PRKCA: variants seen among roughly 807,000 people sequenced by gnomAD.
The protein encoded by PRKCA is protein kinase C alpha.
In PRKCA, 27 loss-of-function variants were observed where a neutral mutation model predicts 87.0. The ratio of observed to expected loss-of-function variants is 0.31; its 90% CI spans 0.23 to 0.43. The LOEUF is 0.43. Ranked by LOEUF, PRKCA falls within the 20% of genes least tolerant of loss-of-function variation. PRKCA has a pLI of 1.00. For synonymous variants in PRKCA, 329 were observed against 311.1 expected, an observed-to-expected ratio of 1.06 and a Z score of -0.61; for missense variants, 518 against 852.3, an observed-to-expected ratio of 0.61 and a Z score of 4.88.
At chr17:66,623,675 A>G (rs1162316748) in intron 3 of PRKCA, among the ~76,000 whole-genome samples, 2 of 152,210 alleles carry the variant, frequency 1.3e-5, no homozygotes, top group African/African-American at 4.8e-5. Flanking sequence ...TTAAAGAAAA[A>G]GTTGAATTTA....
intron 3 of PRKCA, among the ~76,000 whole-genome samples, chr17:66,603,967 T>A (rs989321182): frequency 5.3e-5 from 8 of 152,358 alleles, no homozygotes; most frequent in Non-Finnish European, 1.0e-4. Flanking sequence ...TAAGACTGAA[T>A]AGTATCTCGC....
At chr17:66,343,431 T>G in intron 2 of PRKCA, among the ~76,000 whole-genome samples, 1 of 152,128 alleles carries the variant, frequency 6.6e-6, no homozygotes, top group East Asian at 1.9e-4. Context: ...TTTCCCTCAT[T>G]TGGTTGGTTT....
At chr17:66,504,680 C>T (rs985025083) in intron 3 of PRKCA, among the ~76,000 whole-genome samples, 3 of 152,074 alleles carry the variant, frequency 2.0e-5, no homozygotes, top group Admixed American at 6.6e-5. Context: ...AGGGAGAGAG[C>T]CAGCCTGCAT....
intron 5 of PRKCA, among the ~76,000 whole-genome samples, chr17:66,674,136 GAGTGATCCCTGGGGA>G (rs1972263276): frequency 6.6e-6 from 1 of 152,218 alleles, no homozygotes; most frequent in South Asian, 2.1e-4. Flanking sequence ...TGCCCTGGGG[GAGTGATCCCTGGGGA>G]TGCGAGGGGG....
intron 2 of PRKCA, among the ~76,000 whole-genome samples, chr17:66,311,397 C>T (rs1438337060): frequency 6.6e-6 from 1 of 152,122 alleles, no homozygotes; most frequent in Non-Finnish European, 1.5e-5. Context: ...GGTCGAATTG[C>T]TTGAGCCCAG....
chr17:66,782,842 A>G (rs1422973981), intron 14 of PRKCA, among the ~76,000 whole-genome samples: 1 of 152,140 alleles, frequency 6.6e-6, no homozygotes, highest in Non-Finnish European at 1.5e-5. Flanking sequence ...AATTGCTCAT[A>G]ATGGCTAAGA....
chr17:66,782,235 A>G (rs1359750451), intron 14 of PRKCA, among the ~76,000 whole-genome samples: 1 of 152,002 alleles, frequency 6.6e-6, no homozygotes, highest in Non-Finnish European at 1.5e-5. Flanking sequence ...TTTTATCACA[A>G]TTAAGAAAAA....
intron 5 of PRKCA, among the ~76,000 whole-genome samples, chr17:66,652,708 T>C (rs570633799): frequency 7.9e-5 from 12 of 152,272 alleles, no homozygotes; most frequent in Admixed American, 5.2e-4. Context: ...GGCAATGATA[T>C]CTATGTCTGA....
chr17:66,448,437 A>G (rs759505922), intron 2 of PRKCA, among the ~76,000 whole-genome samples: 29 of 152,192 alleles, frequency 1.9e-4, no homozygotes, highest in African/African-American at 5.3e-4. Flanking sequence ...CTTGAGCCCT[A>G]TTAGGCTCGA....
intron 2 of PRKCA, among the ~76,000 whole-genome samples, chr17:66,404,835 T>G (rs765388179): frequency 4.2e-5 from 6 of 142,410 alleles, no homozygotes; most frequent in Non-Finnish European, 7.5e-5. Context: ...CTGCAACCTC[T>G]GTCTCCTGGG....
intron 3 of PRKCA, among the ~76,000 whole-genome samples, chr17:66,587,718 T>TGTATATGTATACATATATAC (rs1969644574): frequency 8.2e-6 from 1 of 121,612 alleles, no homozygotes; most frequent in Non-Finnish European, 1.7e-5. Context: ...CGTATATGTG[T>TGTATATGTATACATATATAC]GTATATGTAT....
chr17:66,667,836 C>G (rs776144222), intron 5 of PRKCA, among the ~76,000 whole-genome samples: 3 of 152,184 alleles, frequency 2.0e-5, no homozygotes, highest in African/African-American at 4.8e-5. Flanking sequence ...CTTAAGAAAT[C>G]GAGATATCCT....
At chr17:66,476,948 A>G (rs1305323750) in intron 2 of PRKCA, among the ~76,000 whole-genome samples, 2 of 152,188 alleles carry the variant, frequency 1.3e-5, no homozygotes, top group Non-Finnish European at 2.9e-5. Context: ...GTCCTTAACA[A>G]TCCTGCAAGG....
chr17:66,741,832 G>A, intron 12 of PRKCA, 111 bp downstream of exon 12: 2 of 1,089,650 alleles, frequency 1.8e-6, no homozygotes, highest in Non-Finnish European at 2.7e-6. Flanking sequence ...AACTCCCCAG[G>A]AGGAACAGAG....
intron 2 of PRKCA, among the ~76,000 whole-genome samples, chr17:66,407,889 G>T (rs1316850737): frequency 6.6e-6 from 1 of 152,184 alleles, no homozygotes; most frequent in Non-Finnish European, 1.5e-5. Flanking sequence ...CATAGGTATA[G>T]ATTTTTATGT....
At chr17:66,340,380 CTT>C (rs764343807) in intron 2 of PRKCA, among the ~76,000 whole-genome samples, 1 of 127,870 alleles carries the variant, frequency 7.8e-6, no homozygotes, top group Non-Finnish European at 1.7e-5. Flanking sequence ...TTTTTTTTTT[CTT>C]TTTTTTTTTT....
intron 8 of PRKCA, among the ~76,000 whole-genome samples, chr17:66,725,703 A>G (rs1471656630): frequency 6.6e-6 from 1 of 151,736 alleles, no homozygotes; most frequent in East Asian, 1.9e-4. Flanking sequence ...CCAGCTACTC[A>G]GGAGGCTGAG....
At chr17:66,720,202 T>C (rs1045256235) in intron 8 of PRKCA, among the ~76,000 whole-genome samples, 1 of 152,228 alleles carries the variant, frequency 6.6e-6, no homozygotes, top group South Asian at 2.1e-4. Context: ...GGCTAAAGCA[T>C]CCTTTGAGCA....
intron 2 of PRKCA, among the ~76,000 whole-genome samples, chr17:66,314,334 T>G (rs1905201207): frequency 6.6e-6 from 1 of 152,164 alleles, no homozygotes; most frequent in Non-Finnish European, 1.5e-5. Context: ...ATGCTAAACT[T>G]AAGGCATGGC....
Sources: allele counts gnomAD v4.1 joint callset (sites outside exome capture counted in the v4.1 genomes callset), GRCh38; gene constraint gnomAD v4.1.1; transcripts MANE v1.5; gene names NCBI Gene and HGNC (gene_info 2026-07-23, HGNC 2026-07-21).